The following PALM variants were observed in gnomAD, a reference collection of about 807,000 sequenced individuals.
PALM encodes the protein paralemmin-1.
PALM carries 18 observed loss-of-function variants against 30.7 expected under a neutral mutation model. The ratio of observed to expected loss-of-function variants is 0.59; its 90% CI spans 0.41 to 0.87. PALM has a LOEUF of 0.87. Among genes scored for constraint, PALM ranks in the 40% least tolerant of loss-of-function variants. The pLI is 0.00. For synonymous variants in PALM, 286 were observed against 242.8 expected (o/e 1.18, Z -1.66); for missense variants, 529 against 555.4 (o/e 0.95, Z 0.48).
intron 1 of PALM, among the ~76,000 whole-genome samples, chr19:720,167 C>A (rs573940441): frequency 6.6e-6 from 1 of 151,912 alleles, no homozygotes; most frequent in African/African-American, 2.4e-5. Flanking sequence ...CCCAATCCCC[C>A]CAAGCACAGG....
chr19:726,985 A>ACCCCCCCCCGCCCG, intron 2 of PALM, 23 bp from the exon 3 acceptor site: 1 of 945,366 alleles, frequency 1.1e-6, no homozygotes, highest in Non-Finnish European at 1.6e-6. Flanking sequence ...CCCATCCCTG[A>ACCCCCCCCCGCCCG]CCCCACCCGG....
intron 1 of PALM, chr19:719,398 G>GC: frequency 3.0e-6 from 3 of 985,450 alleles, no homozygotes; most frequent in Non-Finnish European, 3.6e-6. Context: ...CCCTCGCCGG[G>GC]CCCCGAGCCG....
At position 746,512 on chromosome 19, in the gene PALM, C is replaced by T; in HGVS notation, c.862C>T (p.Pro288Ser). Residue 288 changes from proline (P) to serine (S), a missense_variant, in exon 9 of 9, where the codon CCG (proline) becomes TCG (serine). Transcript: ENST00000338448. The surrounding 1 kb of genome is among the most constrained non-coding windows in gnomAD (Gnocchi z 7.1). ...GCCAGGCGAGGCCACGTCCGGCCCGCCGGGGATCCAGCCCGGCCAGGAGCC... is the reference window on the plus strand; with the variant it reads ...GCCAGGCGAGGCCACGTCCGGCCCGTCGGGGATCCAGCCCGGCCAGGAGCC... ...AQPGEATSGP[P>S]GIQPGQEPPV... 6.2e-7 allele frequency: 1 copy of T among 1,612,664 alleles called. No individual in the cohort carries two copies. The highest frequency in any genetic ancestry group is 8.5e-7 in the Non-Finnish European group (1 of 1,179,792).
intron 7 of PALM, 118 bp from the exon 8 acceptor site, chr19:740,234 T>C: frequency 9.9e-7 from 1 of 1,012,228 alleles, no homozygotes; most frequent in South Asian, 1.7e-5. Flanking sequence ...CGGCTCCGCC[T>C]GCCCCATCGC....
chr19:719,785 TGAACGCCGGGA>T lies in PALM; in HGVS notation c.6-6349_6-6339del, dbSNP rs2032396715. 32 of 306,678 alleles carry T rather than the reference TGAACGCCGGGA, an allele frequency of 1.0e-4. 1 individual carries two copies. The South Asian group carries it at 4.0e-3, about 38-fold the overall frequency. 19.0% of individuals were successfully genotyped at this position (306,678 alleles called of 1,614,324 possible). Reference sequence around the variant, plus strand: ...CTGGCGGGCCCCGCCCGCAGGAGGATGAACGCCGGGAGAAGGCCGCCCTGCCCGGCCTCAGT... The same window carrying T: ...CTGGCGGGCCCCGCCCGCAGGAGGATGAAGGCCGCCCTGCCCGGCCTCAGT... On this transcript the variant is annotated intron_variant, in intron 1 of 8. Transcript: ENST00000338448.
At chr19:714,374 T>C (rs2144845694) in intron 1 of PALM, among the ~76,000 whole-genome samples, 1 of 142,534 alleles carries the variant, frequency 7.0e-6, no homozygotes, top group East Asian at 2.1e-4. Context: ...TTTTTTTTTT[T>C]TTCAGATGGA....
In PALM at chr19:746,345, T is replaced by G; in HGVS notation, c.695T>G (p.Val232Gly). The G allele has an allele frequency of 6.2e-7, 1 of 1,611,596 alleles. No homozygotes were observed. Among genetic ancestry groups the G allele is most frequent in the East Asian group, 2.2e-5 (1 of 44,742 alleles). Residue 232 changes from valine to glycine, a missense_variant, in exon 9 of 9, where the codon GTG becomes GGG. Val to Gly is a moderately radical substitution (Grantham distance 109). Transcript: ENST00000338448. This position sits in a 1 kb window ranked among gnomAD's most constrained non-coding sequence, Gnocchi z 7.1. ...ATCCACCCCCTGAGCTCCTCCGAGG[T>G]GGACGAACTCATCCACAAAGCGGAC... Reference protein sequence around the residue: ...NGIHPLSSSEVDELIHKADEV... With the variant: ...NGIHPLSSSEGDELIHKADEV...
chr19:710,582 G>A lies in PALM; in HGVS notation c.5+1431G>A, dbSNP rs1052486953. On this transcript the variant is annotated intron_variant, in intron 1 of 8. Coordinates refer to ENST00000338448, the MANE Select transcript of PALM (RefSeq NM_002579.3). Reference sequence around the variant, plus strand: ...GGTGTCAGCGAACACTCCGGGTCGGGCCCATTGTTTCCTTCCTGCCACCCC... The same window carrying A: ...GGTGTCAGCGAACACTCCGGGTCGGACCCATTGTTTCCTTCCTGCCACCCC... Among the ~76,000 whole-genome samples, 3 of 152,048 alleles carry A rather than the reference G, an allele frequency of 2.0e-5. No homozygotes were observed. The East Asian group carries it at 5.8e-4, about 29-fold the overall frequency.
intron 7 of PALM, among the ~76,000 whole-genome samples, chr19:736,321 G>A (rs941270078): frequency 4.6e-5 from 7 of 152,158 alleles, no homozygotes; most frequent in Non-Finnish European, 8.8e-5. Context: ...CGGGCCCCAC[G>A]CATGGCGGCT....
intron 1 of PALM, among the ~76,000 whole-genome samples, chr19:721,133 G>GTCC (rs1475145918): frequency 6.6e-6 from 1 of 152,192 alleles, no homozygotes; most frequent in African/African-American, 2.4e-5. Flanking sequence ...GAGGCTTGGT[G>GTCC]CATAGCCAGG....
chr19:728,562 C>T (rs1426995046), intron 4 of PALM, among the ~76,000 whole-genome samples: 1 of 152,188 alleles, frequency 6.6e-6, no homozygotes, highest in Non-Finnish European at 1.5e-5. Flanking sequence ...GATCCCAGCA[C>T]TTTGGGAAGC....
At chr19:718,424 C>T (rs1006349540) in intron 1 of PALM, among the ~76,000 whole-genome samples, 3 of 152,048 alleles carry the variant, frequency 2.0e-5, no homozygotes, top group Non-Finnish European at 2.9e-5. Context: ...AGTGCAGTCG[C>T]GTGGGGAGGG....
intron 8 of PALM, among the ~76,000 whole-genome samples, chr19:741,144 A>G (rs2033174250): frequency 6.6e-6 from 1 of 151,998 alleles, no homozygotes; most frequent in African/African-American, 2.4e-5. Flanking sequence ...GTCTCTTAAG[A>G]ATAAAAAATA....
intron 1 of PALM, among the ~76,000 whole-genome samples, chr19:718,190 A>G (rs558655715): frequency 2.8e-4 from 43 of 152,236 alleles, no homozygotes; most frequent in Non-Finnish European, 2.9e-5. Flanking sequence ...TCAAAAAAAA[A>G]GAAAAGAAAA....
intron 1 of PALM, among the ~76,000 whole-genome samples, chr19:722,284 G>A (rs1380549031): frequency 7.2e-5 from 11 of 152,036 alleles, no homozygotes; most frequent in South Asian, 2.1e-4. Flanking sequence ...GCACAATCAC[G>A]GCTCGACCCA....
intron 8 of PALM, among the ~76,000 whole-genome samples, chr19:745,135 G>A (rs551303919): frequency 2.6e-5 from 4 of 152,280 alleles, no homozygotes; most frequent in Admixed American, 6.5e-5. Flanking sequence ...AACTGAGATC[G>A]TGCCATTGCA....
In PALM at chr19:730,479, TAA is replaced by T. The variant is rs557263948; in HGVS notation, c.270-614_270-613del. Among the ~76,000 whole-genome samples, 217 of 152,290 alleles carry T rather than the reference TAA, an allele frequency of 1.4e-3. 1 individual carries two copies. Among genetic ancestry groups the T allele is most frequent in the Non-Finnish European group, 2.6e-3 (179 of 68,028 alleles). On this transcript the variant is annotated intron_variant, in intron 4 of 8. Coordinates refer to ENST00000338448, the MANE Select transcript of PALM (RefSeq NM_002579.3). ...GGTTTTTCCAGTTTCCCTGGTGAGA[TAA>T]AGTTTCCTGTTAAAATGTGCAAATT... is the stretch of plus-strand genomic sequence containing the variant.
At chr19:719,778 A>G (rs1207826166) in intron 1 of PALM, 6 of 342,682 alleles carry the variant, frequency 1.8e-5, no homozygotes, top group Non-Finnish European at 2.5e-5. Flanking sequence ...CCCCGCCCGC[A>G]GGAGGATGAA....
chr19:739,623 G>A (rs779968947), intron 7 of PALM, among the ~76,000 whole-genome samples: 3 of 152,080 alleles, frequency 2.0e-5, no homozygotes, highest in Non-Finnish European at 4.4e-5. Flanking sequence ...CATGACTGCA[G>A]TGAGCTGTGA....
Sources: allele counts gnomAD v4.1 joint callset (sites outside exome capture counted in the v4.1 genomes callset), GRCh38; gene constraint gnomAD v4.1.1; non-coding constraint Gnocchi (gnomAD v3.1); transcripts MANE v1.5; gene names NCBI Gene and HGNC (gene_info 2026-07-23, HGNC 2026-07-21).